Variants in DIP2B observed in about 807,000 individuals in gnomAD.
DIP2B encodes the protein disco-interacting protein 2 homolog B.
Under a neutral mutation model 198.0 loss-of-function variants are expected in DIP2B, and 76 were observed. The observed-to-expected ratio is 0.38, with a 90% CI of 0.32 to 0.46. The LOEUF is 0.46. Among genes scored for constraint, DIP2B ranks in the 20% least tolerant of loss-of-function variants. The pLI is 0.99. For missense variants in DIP2B, 1,559 were observed against 1,978.4 expected (o/e 0.79, Z 4.02); for synonymous variants, 701 against 739.1 (o/e 0.95, Z 0.84).
chr12:50,733,093 A>G (rs546748589), intron 32 of DIP2B, among the ~76,000 whole-genome samples: 1 of 151,642 alleles, frequency 6.6e-6, no homozygotes, highest in South Asian at 2.1e-4. Context: ...TTTAGTAGAG[A>G]CAGGGTTTCG....
chr12:50,623,409 A>G (rs1937854975), intron 1 of DIP2B, among the ~76,000 whole-genome samples: 11 of 81,020 alleles, frequency 1.4e-4, no homozygotes, highest in African/African-American at 1.7e-4. Context: ...ACACACACAC[A>G]CACACACACA....
intron 1 of DIP2B, among the ~76,000 whole-genome samples, chr12:50,569,937 TA>T (rs1958598856): frequency 6.6e-6 from 1 of 152,262 alleles, no homozygotes; most frequent in African/African-American, 2.4e-5. Context: ...TTCCAAGATG[TA>T]ACAGCTGAAC....
chr12:50,683,666 C>T (rs1939083740), intron 10 of DIP2B, among the ~76,000 whole-genome samples: 1 of 152,042 alleles, frequency 6.6e-6, no homozygotes, highest in African/African-American at 2.4e-5. Flanking sequence ...GCCTGTGGTC[C>T]CAGCTACTCG....
At chr12:50,663,950 T>A (rs915043037) in intron 4 of DIP2B, among the ~76,000 whole-genome samples, 1 of 151,612 alleles carries the variant, frequency 6.6e-6, no homozygotes, top group African/African-American at 2.4e-5. Flanking sequence ...TAGCCTAATA[T>A]TTTACAGGAT....
intron 4 of DIP2B, among the ~76,000 whole-genome samples, chr12:50,665,935 C>A (rs961337135): frequency 2.6e-4 from 39 of 152,312 alleles, no homozygotes; most frequent in African/African-American, 8.9e-4. Context: ...AGAATACCTG[C>A]TGATTTACCA....
At chr12:50,664,728 A>G (rs930707002) in intron 4 of DIP2B, among the ~76,000 whole-genome samples, 5 of 151,956 alleles carry the variant, frequency 3.3e-5, no homozygotes, top group Non-Finnish European at 5.9e-5. Context: ...AGCTATTTCA[A>G]CTAGCTTAAA....
intron 1 of DIP2B, among the ~76,000 whole-genome samples, chr12:50,617,947 G>A (rs1411593620): frequency 5.3e-5 from 8 of 152,152 alleles, no homozygotes; most frequent in Non-Finnish European, 1.0e-4. Flanking sequence ...TTTGTTTATG[G>A]ACAACAGGTT....
intron 32 of DIP2B, among the ~76,000 whole-genome samples, chr12:50,733,407 G>A (rs374855781): frequency 2.0e-5 from 3 of 152,150 alleles, no homozygotes; most frequent in South Asian, 2.1e-4. Context: ...CAAATATAGC[G>A]CCAGGTGTGG....
Position 50,504,999 on chromosome 12 carries a change from C to A in DIP2B, c.-142C>A. 4 of 545,528 alleles carry A rather than the reference C, an allele frequency of 7.3e-6. No individual in the cohort carries two copies. Among genetic ancestry groups the A allele is most frequent in the Non-Finnish European group, 1.3e-5 (4 of 314,254 alleles). The allele number at this position is 545,528 out of a possible 1,614,324, so 33.8% of individuals were successfully genotyped here. On this transcript the variant is annotated 5_prime_UTR_variant, in exon 1 of 38. Coordinates refer to ENST00000301180, the MANE Select transcript of DIP2B (RefSeq NM_173602.3). The stretch of plus-strand genomic sequence containing the variant: ...CCGTCGCGCTCACGTGACCTTTGCT[C>A]ATGGCGGCGGCGGCGGCGGCGGCGG...
chr12:50,544,809 G>A (rs1374715681), intron 1 of DIP2B, among the ~76,000 whole-genome samples: 1 of 151,570 alleles, frequency 6.6e-6, no homozygotes, highest in Non-Finnish European at 1.5e-5. Flanking sequence ...AGTAGAGAAG[G>A]GGTTCCACTG....
At chr12:50,734,509 T>C (rs1940102800) in intron 33 of DIP2B, among the ~76,000 whole-genome samples, 1 of 152,160 alleles carries the variant, frequency 6.6e-6, no homozygotes, top group South Asian at 2.1e-4. Flanking sequence ...TTAAAAATAA[T>C]AGGACAGATA....
intron 2 of DIP2B, among the ~76,000 whole-genome samples, chr12:50,627,270 G>A (rs1196306184): frequency 1.3e-5 from 2 of 152,152 alleles, no homozygotes; most frequent in Non-Finnish European, 2.9e-5. Flanking sequence ...ACCACAGTTT[G>A]TTATCCGTAG....
intron 1 of DIP2B, among the ~76,000 whole-genome samples, chr12:50,604,053 A>G (rs1958961119): frequency 6.6e-6 from 1 of 152,058 alleles, no homozygotes; most frequent in African/African-American, 2.4e-5. Context: ...GCATCATGCA[A>G]GCTTCTGATG....
intron 1 of DIP2B, among the ~76,000 whole-genome samples, chr12:50,518,350 G>A (rs1314433317): frequency 1.3e-5 from 2 of 151,382 alleles, no homozygotes; most frequent in African/African-American, 2.4e-5. Flanking sequence ...TCAGCCTCCC[G>A]AGTAGCTGGG....
intron 1 of DIP2B, among the ~76,000 whole-genome samples, chr12:50,586,166 G>GT (rs1958768740): frequency 6.6e-6 from 1 of 152,186 alleles, no homozygotes; most frequent in South Asian, 2.1e-4. Context: ...CCTCACTGTG[G>GT]ACAACAATAT....
intron 1 of DIP2B, among the ~76,000 whole-genome samples, chr12:50,510,634 A>G (rs1296671386): frequency 6.7e-6 from 1 of 149,226 alleles, no homozygotes; most frequent in African/African-American, 2.5e-5. Context: ...TTAAGGGTTC[A>G]GCTAAAGTAC....
intron 35 of DIP2B, among the ~76,000 whole-genome samples, chr12:50,737,985 C>T (rs1940168626): frequency 1.3e-5 from 2 of 152,136 alleles, no homozygotes; most frequent in Admixed American, 6.6e-5. Context: ...CTGCCACTTA[C>T]AAGCTTCTCA....
chr12:50,630,675 T>C (rs1221414859), intron 2 of DIP2B, among the ~76,000 whole-genome samples: 4 of 141,000 alleles, frequency 2.8e-5, no homozygotes, highest in Non-Finnish European at 6.1e-5. Flanking sequence ...TTTTTTTTTT[T>C]TTTTTTTTTT....
chr12:50,685,910 A>G lies in DIP2B; in HGVS notation c.1395A>G (p.Leu465=), dbSNP rs1033821602. The part of the protein sequence containing the change: ...IALALTSEVC[L]KGLPKTQNGE... Reference sequence around the variant, plus strand: ...TAGCTCTTACCAGTGAAGTTTGTCTAAAAGGACTGCCAAAAACCCAGAATG... The same window carrying G: ...TAGCTCTTACCAGTGAAGTTTGTCTGAAAGGACTGCCAAAAACCCAGAATG... The change falls in exon 11 of 38, where the codon CTA becomes CTG. Residue 465 remains leucine, a synonymous_variant. Coordinates refer to ENST00000301180, the MANE Select transcript of DIP2B (RefSeq NM_173602.3). 2 of 1,613,964 alleles carry G rather than the reference A, an allele frequency of 1.2e-6. No homozygotes were observed. The highest frequency in any genetic ancestry group is 1.7e-6 in the Non-Finnish European group (2 of 1,179,860).
Sources: gnomAD v4.1 joint callset for allele counts (sites outside exome capture counted in the v4.1 genomes callset) on GRCh38, gnomAD v4.1.1 for gene constraint, MANE v1.5 for transcripts, NCBI Gene and HGNC (gene_info 2026-07-23, HGNC 2026-07-21) for gene names.